Variants in ASIC2 observed in about 807,000 individuals in gnomAD.
ASIC2 encodes the protein acid-sensing ion channel 2.
In ASIC2, 25 loss-of-function variants were observed where a neutral mutation model predicts 57.3. The ratio of observed to expected loss-of-function variants is 0.44; its 90% CI spans 0.32 to 0.61. The LOEUF is 0.61. Among genes scored for constraint, ASIC2 ranks in the 20% least tolerant of loss-of-function variants. The pLI is 0.06. For missense variants in ASIC2, 641 were observed against 738.1 expected (o/e 0.87, Z 1.52); for synonymous variants, 319 against 307.5 (o/e 1.04, Z -0.39).
intron 1 of ASIC2, among the ~76,000 whole-genome samples, chr17:33,906,011 AT>A (rs72050716): frequency 0.21 from 27,862 of 132,334 alleles, 2,557 homozygotes; most frequent in East Asian, 0.36. Flanking sequence ...TTTTAATTAA[AT>A]TTTTTTTTTT....
At chr17:33,907,663 C>T (rs965682567) in intron 1 of ASIC2, among the ~76,000 whole-genome samples, 1 of 152,154 alleles carries the variant, frequency 6.6e-6, no homozygotes, top group African/African-American at 2.4e-5. Context: ...GATGCCTCCC[C>T]AAGTTGTACA....
intron 1 of ASIC2, among the ~76,000 whole-genome samples, chr17:34,046,285 C>T (rs376178548): frequency 9.2e-5 from 14 of 152,164 alleles, no homozygotes; most frequent in Admixed American, 2.0e-4. Context: ...TGGTTTATTA[C>T]GAAGCAACAG....
intron 1 of ASIC2, among the ~76,000 whole-genome samples, chr17:34,049,985 T>C (rs536896564): frequency 7.2e-5 from 11 of 152,320 alleles, no homozygotes; most frequent in African/African-American, 2.6e-4. Flanking sequence ...GCAACAAGCA[T>C]GGTTTGGCAC....
At chr17:33,626,425 C>T (rs1905986352) in intron 1 of ASIC2, among the ~76,000 whole-genome samples, 1 of 151,968 alleles carries the variant, frequency 6.6e-6, no homozygotes, top group Admixed American at 6.6e-5. Flanking sequence ...ATTAGTTTTG[C>T]CTTTGAGGAC....
intron 1 of ASIC2, among the ~76,000 whole-genome samples, chr17:33,389,678 A>T (rs1331969090): frequency 6.6e-6 from 1 of 152,222 alleles, no homozygotes; most frequent in Non-Finnish European, 1.5e-5. Context: ...CAAGGAAGAG[A>T]TTTGGAAAGC....
At chr17:33,895,199 G>A (rs1915065648) in intron 1 of ASIC2, among the ~76,000 whole-genome samples, 1 of 147,184 alleles carries the variant, frequency 6.8e-6, no homozygotes, top group South Asian at 2.1e-4. Context: ...GTCTAACTCT[G>A]TTGCCCAGGC....
At chr17:33,701,902 G>T (rs1259733843) in intron 1 of ASIC2, among the ~76,000 whole-genome samples, 5 of 152,168 alleles carry the variant, frequency 3.3e-5, no homozygotes, top group Admixed American at 6.5e-5. Context: ...GTATTTCATT[G>T]TCGGTACTTC....
chr17:33,451,493 G>C (rs943549239), intron 1 of ASIC2, among the ~76,000 whole-genome samples: 1 of 152,028 alleles, frequency 6.6e-6, no homozygotes, highest in Non-Finnish European at 1.5e-5. Context: ...AGTAGTCAGC[G>C]CTGTTACAAA....
intron 1 of ASIC2, among the ~76,000 whole-genome samples, chr17:33,195,155 A>G (rs1906573858): frequency 6.6e-6 from 1 of 152,150 alleles, no homozygotes; most frequent in Non-Finnish European, 1.5e-5. Flanking sequence ...TTAAAAAGTG[A>G]GATGTCAGCC....
At chr17:34,095,223 G>A (rs1910474284) in intron 1 of ASIC2, among the ~76,000 whole-genome samples, 2 of 152,148 alleles carry the variant, frequency 1.3e-5, no homozygotes, top group Admixed American at 1.3e-4. Flanking sequence ...AATGTGGCCA[G>A]GTGAACAGAG....
intron 1 of ASIC2, among the ~76,000 whole-genome samples, chr17:33,183,799 C>T (rs952142788): frequency 6.6e-6 from 1 of 152,202 alleles, no homozygotes; most frequent in Non-Finnish European, 1.5e-5. Flanking sequence ...TGCATTCCAA[C>T]TGTATATGCT....
intron 1 of ASIC2, among the ~76,000 whole-genome samples, chr17:33,229,702 C>T (rs1908018660): frequency 6.6e-6 from 1 of 152,146 alleles, no homozygotes; most frequent in Admixed American, 6.6e-5. Context: ...CGCATGGGAG[C>T]CAATAAATAG....
intron 1 of ASIC2, among the ~76,000 whole-genome samples, chr17:33,870,855 T>C (rs553237165): frequency 4.6e-5 from 7 of 152,306 alleles, no homozygotes; most frequent in Non-Finnish European, 7.3e-5. Flanking sequence ...GCCTGACATA[T>C]GTAGGCTTAA....
At chr17:34,014,785 G>A (rs562004062) in intron 1 of ASIC2, among the ~76,000 whole-genome samples, 7 of 152,284 alleles carry the variant, frequency 4.6e-5, no homozygotes, top group Admixed American at 3.9e-4. Flanking sequence ...GGCTTAATGG[G>A]AACGATGCAT....
chr17:33,918,640 A>T (rs1218704029), intron 1 of ASIC2, among the ~76,000 whole-genome samples: 2 of 152,256 alleles, frequency 1.3e-5, no homozygotes, highest in African/African-American at 2.4e-5. Context: ...AAGTAGAATT[A>T]TAAGAAACTA....
At chr17:34,125,046 T>C (rs533225019) in intron 1 of ASIC2, among the ~76,000 whole-genome samples, 3 of 151,610 alleles carry the variant, frequency 2.0e-5, no homozygotes, top group Non-Finnish European at 2.9e-5. Flanking sequence ...TTCCCTATTC[T>C]GGAAAAACGT....
intron 1 of ASIC2, among the ~76,000 whole-genome samples, chr17:33,150,708 G>A (rs1904752323): frequency 7.7e-6 from 1 of 129,910 alleles, no homozygotes. Context: ...AAATTAGCCG[G>A]GCGTAGTGGC....
At chr17:33,265,517 T>C (rs569015163) in intron 1 of ASIC2, among the ~76,000 whole-genome samples, 207 of 151,920 alleles carry the variant, frequency 1.4e-3, no homozygotes, top group Middle Eastern at 3.4e-3. Flanking sequence ...GGGGGAGTGG[T>C]GGGAGGGAGA....
intron 1 of ASIC2, among the ~76,000 whole-genome samples, chr17:33,860,864 CCA>C (rs1421832246): frequency 6.6e-6 from 1 of 152,160 alleles, no homozygotes; most frequent in Non-Finnish European, 1.5e-5. Context: ...CAAAGACATC[CCA>C]CACACTGTGC....
Sources: gnomAD v4.1 joint callset for allele counts (sites outside exome capture counted in the v4.1 genomes callset) on GRCh38, gnomAD v4.1.1 for gene constraint, MANE v1.5 for transcripts, NCBI Gene and HGNC (gene_info 2026-07-23, HGNC 2026-07-21) for gene names.